SPATA6: variants seen among roughly 807,000 people sequenced by gnomAD.
SPATA6 encodes the protein spermatogenesis associated 6, also known as spermatogenesis-associated protein 6.
Under a neutral mutation model 65.3 loss-of-function variants are expected in SPATA6, and 56 were observed. That is an observed-to-expected ratio of 0.86 (90% CI 0.69 to 1.07). The LOEUF (loss-of-function observed/expected upper bound fraction) is 1.07, where lower values mean the gene tolerates loss of function less well. SPATA6 is among the 50% of genes least tolerant of loss of function. The pLI is 0.00. For missense variants in SPATA6, 590 were observed against 594.8 expected (o/e 0.99, Z 0.08); for synonymous variants, 199 against 213.2 (o/e 0.93, Z 0.58).
chr1:48,454,414 C>T (rs1656847765), intron 1 of SPATA6, among the ~76,000 whole-genome samples: 1 of 152,100 alleles, frequency 6.6e-6, no homozygotes, highest in Non-Finnish European at 1.5e-5. Context: ...CTCATTTATT[C>T]CTACCACCTG....
chr1:48,275,329 A>C, the SPATA6 span, among the ~76,000 whole-genome samples: 2 of 152,104 alleles, frequency 1.3e-5, no homozygotes, highest in Non-Finnish European at 2.9e-5. Context: ...AATACCCTTT[A>C]TTTCTTTCTC....
At chr1:48,319,282 A>T (rs1645530489) in intron 11 of SPATA6, among the ~76,000 whole-genome samples, 1 of 152,210 alleles carries the variant, frequency 6.6e-6, no homozygotes, top group African/African-American at 2.4e-5. Flanking sequence ...AATTTTAAAA[A>T]CTTTTATGCT....
At chr1:48,418,544 C>CAAAAAAAAAAAAAAAAAAAAAAAA (rs34415296) in intron 3 of SPATA6, among the ~76,000 whole-genome samples, 1 of 49,680 alleles carries the variant, frequency 2.0e-5, no homozygotes, top group Admixed American at 3.9e-4. Flanking sequence ...CCCATCCCTA[C>CAAAAAAAAAAAAAAAAAAAAAAAA]AAAAAAAAAA....
rs1644822775 is a variant in SPATA6, at chr1:48,296,927, TG to T, written c.*1785del. The T allele has an allele frequency of 6.6e-6, 1 of 152,114 alleles. No individual in the cohort carries two copies. Among genetic ancestry groups the T allele is most frequent in the Non-Finnish European group, 1.5e-5 (1 of 68,016 alleles). The allele number at this position is 152,114 out of a possible 1,614,324, so 9.4% of individuals were successfully genotyped here. On this transcript the variant is annotated 3_prime_UTR_variant, in exon 13 of 13. Transcript: ENST00000371847. The stretch of plus-strand genomic sequence containing the variant: ...AAATATTTAAGGAACATCAATTACA[TG>T]CCAGGCTGTCTACTAGATGCAGAGT...
intron 11 of SPATA6, among the ~76,000 whole-genome samples, chr1:48,316,792 G>C (rs902787080): frequency 5.3e-5 from 8 of 152,096 alleles, no homozygotes; most frequent in Non-Finnish European, 1.0e-4. Context: ...ATCTGACAAA[G>C]GGCTAATATC....
At chr1:48,305,938 A>G (rs906175361) in intron 11 of SPATA6, 60 bp from the exon 12 acceptor site, 2 of 1,263,966 alleles carry the variant, frequency 1.6e-6, no homozygotes, top group Non-Finnish European at 2.3e-6. Flanking sequence ...AATGATGCAT[A>G]TGTTTCTTCA....
chr1:48,455,756 A>AT (rs1656953441), intron 1 of SPATA6, among the ~76,000 whole-genome samples: 2 of 151,886 alleles, frequency 1.3e-5, no homozygotes, highest in Non-Finnish European at 2.9e-5. Context: ...AGGCTCTTAT[A>AT]TTTTTTCTGG....
intron 9 of SPATA6, among the ~76,000 whole-genome samples, chr1:48,360,974 G>A (rs1444004911): frequency 1.3e-5 from 2 of 152,156 alleles, no homozygotes. Context: ...CCAATTGTAA[G>A]CATAGAAAAT....
the SPATA6 span, among the ~76,000 whole-genome samples, chr1:48,267,715 A>C: frequency 7.2e-6 from 1 of 139,150 alleles, no homozygotes; most frequent in Non-Finnish European, 1.5e-5. Context: ...GTTCCTCTCG[A>C]CGTCCAGCGC....
chr1:48,317,683 T>TA (rs1351178703), intron 11 of SPATA6, among the ~76,000 whole-genome samples: 1 of 151,276 alleles, frequency 6.6e-6, no homozygotes, highest in Non-Finnish European at 1.5e-5. Context: ...AAAAAAAAAA[T>TA]AAAAAACTTA....
chr1:48,353,682 A>G (rs958656360), intron 11 of SPATA6, among the ~76,000 whole-genome samples: 4 of 152,116 alleles, frequency 2.6e-5, no homozygotes, highest in Admixed American at 2.0e-4. Flanking sequence ...AAATTAAGAG[A>G]ACCAGAATGT....
chr1:48,410,835 C>A (rs1291340172), intron 5 of SPATA6, among the ~76,000 whole-genome samples: 2 of 152,176 alleles, frequency 1.3e-5, no homozygotes, highest in Admixed American at 6.5e-5. Flanking sequence ...AGGTCCCACC[C>A]CTGACACACA....
chr1:48,305,935 C>A, intron 11 of SPATA6, 57 bp from the exon 12 acceptor site: 1 of 1,307,956 alleles, frequency 7.6e-7, no homozygotes. Flanking sequence ...CAAAATGATG[C>A]ATATGTTTCT....
At chr1:48,402,182 T>G (rs886860896) in intron 6 of SPATA6, among the ~76,000 whole-genome samples, 1 of 152,158 alleles carries the variant, frequency 6.6e-6, no homozygotes, top group African/African-American at 2.4e-5. Flanking sequence ...GGAAGACTCT[T>G]GTTAAAAGTT....
chr1:48,319,418 G>T (rs1216039245), intron 11 of SPATA6, among the ~76,000 whole-genome samples: 1 of 152,112 alleles, frequency 6.6e-6, no homozygotes, highest in Non-Finnish European at 1.5e-5. Context: ...CAGTAATAAG[G>T]CAGATAACTA....
intron 8 of SPATA6, among the ~76,000 whole-genome samples, chr1:48,390,643 T>TC (rs1649956038): frequency 1.3e-5 from 2 of 152,206 alleles, no homozygotes; most frequent in South Asian, 4.1e-4. Context: ...CATCACACAT[T>TC]CCACACAATG....
chr1:48,340,120 G>A (rs908517419), intron 11 of SPATA6, among the ~76,000 whole-genome samples: 2 of 151,482 alleles, frequency 1.3e-5, no homozygotes, highest in African/African-American at 2.4e-5. Context: ...CCTTTAAAGT[G>A]TAGGAAGAAA....
At position 48,359,783 on chromosome 1, in the gene SPATA6, T is replaced by C; in HGVS notation, c.910-13A>G. On this transcript the variant is annotated splice_polypyrimidine_tract_variant and intron_variant, in intron 9 of 12. Coordinates refer to ENST00000371847, the MANE Select transcript of SPATA6 (RefSeq NM_019073.4). Reference sequence around the variant, plus strand: ...GTGTCCTGATAACCTGTTTTAAAAATTATATACATATAGATATACAAATAC... The same window carrying C: ...GTGTCCTGATAACCTGTTTTAAAAACTATATACATATAGATATACAAATAC... The C allele has an allele frequency of 6.3e-7, 1 of 1,577,002 alleles. No homozygotes were observed. The highest frequency in any genetic ancestry group is 8.6e-7 in the Non-Finnish European group (1 of 1,159,752).
chr1:48,414,577 C>T (rs1652582109), intron 3 of SPATA6, among the ~76,000 whole-genome samples: 7 of 152,098 alleles, frequency 4.6e-5, no homozygotes, highest in Admixed American at 4.6e-4. Context: ...CTCACTGCAC[C>T]TCCCTCCAGC....
Sources: gnomAD v4.1 joint callset for allele counts (sites outside exome capture counted in the v4.1 genomes callset) on GRCh38, gnomAD v4.1.1 for gene constraint, MANE v1.5 for transcripts, NCBI Gene and HGNC (gene_info 2026-07-23, HGNC 2026-07-21) for gene names.